The following INVS variants were observed in gnomAD, a reference collection of about 807,000 sequenced individuals.
INVS encodes inversin, also known as inversion of embryo turning homolog.
INVS carries 86 observed loss-of-function variants against 108.8 expected under a neutral mutation model. That is an observed-to-expected ratio of 0.79 (90% CI 0.66 to 0.95). The LOEUF is 0.95. INVS is among the 40% of genes least tolerant of loss of function. The pLI is 0.00. For missense variants in INVS, 1,169 were observed against 1,297.4 expected, an observed-to-expected ratio of 0.90 and a Z score of 1.52; for synonymous variants, 455 against 473.5, an observed-to-expected ratio of 0.96 and a Z score of 0.51.
intron 2 of INVS, among the ~76,000 whole-genome samples, chr9:100,125,409 G>A (rs1171030401): frequency 6.6e-6 from 1 of 152,070 alleles, no homozygotes; most frequent in Non-Finnish European, 1.5e-5. Context: ...GAGAACTTTG[G>A]CATCTGTGCA....
At chr9:100,204,876 A>G (rs147092220) in intron 3 of INVS, among the ~76,000 whole-genome samples, 3 of 152,240 alleles carry the variant, frequency 2.0e-5, no homozygotes, top group East Asian at 3.9e-4. Flanking sequence ...GCTATGTCAT[A>G]TTTTAATATC....
At chr9:100,217,074 C>T (rs984995297) in intron 3 of INVS, among the ~76,000 whole-genome samples, 5 of 152,088 alleles carry the variant, frequency 3.3e-5, no homozygotes, top group African/African-American at 4.8e-5. Context: ...GTTGAGAGGC[C>T]GAGGTGAGTA....
chr9:100,264,756 G>T, intron 10 of INVS, 66 bp from the exon 11 acceptor site: 1 of 1,059,282 alleles, frequency 9.4e-7, no homozygotes. Context: ...TTTTGAATTA[G>T]CATAAATAAC....
intron 11 of INVS, among the ~76,000 whole-genome samples, chr9:100,266,770 G>A (rs72733355): frequency 1.8e-4 from 28 of 152,020 alleles, no homozygotes; most frequent in African/African-American, 6.5e-4. Flanking sequence ...TCTGACCTAG[G>A]TCTTTGTGTT....
chr9:100,149,430 C>A, intron 3 of INVS, among the ~76,000 whole-genome samples: 1 of 152,294 alleles, frequency 6.6e-6, no homozygotes, highest in South Asian at 2.1e-4. Context: ...TCAATGCTAG[C>A]TAGGCTACTT....
chr9:100,284,091 CAA>C (rs1234152318), intron 12 of INVS, among the ~76,000 whole-genome samples: 1 of 152,124 alleles, frequency 6.6e-6, no homozygotes, highest in East Asian at 1.9e-4. Context: ...CTCAACAGCA[CAA>C]AGACTGATCT....
chr9:100,108,082 A>G (rs2118832631), intron 2 of INVS, among the ~76,000 whole-genome samples: 1 of 152,346 alleles, frequency 6.6e-6, no homozygotes, highest in East Asian at 1.9e-4. Flanking sequence ...AGTACCAAGT[A>G]AAATGAATTC....
intron 2 of INVS, among the ~76,000 whole-genome samples, chr9:100,121,340 C>A (rs1180499312): frequency 6.6e-6 from 1 of 152,116 alleles, no homozygotes; most frequent in East Asian, 1.9e-4. Context: ...TGCCCACACT[C>A]AAGAGGAAGG....
At chr9:100,175,601 GA>G in intron 3 of INVS, 1 of 691,144 alleles carries the variant, frequency 1.4e-6, no homozygotes. Flanking sequence ...AGAGGTGGCA[GA>G]AAAACAGCTG....
intron 3 of INVS, among the ~76,000 whole-genome samples, chr9:100,200,169 G>A (rs1490841683): frequency 4.6e-5 from 7 of 152,120 alleles, no homozygotes; most frequent in Non-Finnish European, 1.0e-4. Flanking sequence ...TCTCTGCTGA[G>A]ATTCCCTCAT....
At chr9:100,108,941 T>A (rs1435861266) in intron 2 of INVS, among the ~76,000 whole-genome samples, 1 of 152,236 alleles carries the variant, frequency 6.6e-6, no homozygotes, top group East Asian at 1.9e-4. Context: ...TTCAGATGTA[T>A]TAGGGCTTAC....
chr9:100,250,325 C>T (rs550949438), intron 8 of INVS, among the ~76,000 whole-genome samples: 6 of 152,098 alleles, frequency 3.9e-5, no homozygotes, highest in Non-Finnish European at 7.4e-5. Context: ...TATTTAACCA[C>T]GATTCATTTC....
intron 11 of INVS, among the ~76,000 whole-genome samples, chr9:100,272,167 C>G (rs1564185658): frequency 6.6e-6 from 1 of 152,170 alleles, no homozygotes; most frequent in Admixed American, 6.5e-5. Context: ...TGCGCCCAGC[C>G]CTTTTATGGT....
chr9:100,216,191 T>G (rs1483847808), intron 3 of INVS, among the ~76,000 whole-genome samples: 1 of 152,182 alleles, frequency 6.6e-6, no homozygotes, highest in Non-Finnish European at 1.5e-5. Context: ...CCAACTGTAG[T>G]CTTCCAAGTG....
intron 5 of INVS, among the ~76,000 whole-genome samples, chr9:100,235,369 T>A (rs1831653335): frequency 6.6e-6 from 1 of 152,200 alleles, no homozygotes; most frequent in African/African-American, 2.4e-5. Flanking sequence ...CATTTACATT[T>A]ATGGTTAATA....
chr9:100,241,819 C>G lies in INVS; in HGVS notation c.797-751C>G, dbSNP rs144630500. ...GGCTTTTATGCAGTATATCCTTGCT[C>G]TGCTAATGGGGCATCTTCTTCATTC... On this transcript the variant is annotated intron_variant, in intron 6 of 16. Coordinates refer to ENST00000262457, the MANE Select transcript of INVS (RefSeq NM_014425.5). 1.1e-4 allele frequency among the ~76,000 whole-genome samples: 16 copies of G among 152,336 alleles called. No individual in the cohort carries two copies. In the East Asian group the frequency reaches 3.1e-3, roughly 29 times the overall value.
At chr9:100,115,297 A>C (rs2118855382) in intron 2 of INVS, among the ~76,000 whole-genome samples, 1 of 140,344 alleles carries the variant, frequency 7.1e-6, no homozygotes, top group Non-Finnish European at 1.5e-5. Flanking sequence ...TTTTATTTTT[A>C]TTTTATATAT....
At chr9:100,157,532 C>T (rs535881244) in intron 3 of INVS, among the ~76,000 whole-genome samples, 1 of 152,182 alleles carries the variant, frequency 6.6e-6, no homozygotes, top group South Asian at 2.1e-4. Flanking sequence ...TCCCAAAGTG[C>T]TGGGATTACA....
At chr9:100,106,881 G>A (rs1201994462) in intron 2 of INVS, among the ~76,000 whole-genome samples, 1 of 151,728 alleles carries the variant, frequency 6.6e-6, no homozygotes, top group Non-Finnish European at 1.5e-5. Flanking sequence ...AACAAAAGAA[G>A]CTGAAAAAAA....
Sources: gnomAD v4.1 joint callset for allele counts (sites outside exome capture counted in the v4.1 genomes callset) on GRCh38, gnomAD v4.1.1 for gene constraint, MANE v1.5 for transcripts, NCBI Gene and HGNC (gene_info 2026-07-23, HGNC 2026-07-21) for gene names.